The following DYNC1I1 variants were observed in gnomAD, a reference collection of about 807,000 sequenced individuals.
DYNC1I1 encodes cytoplasmic dynein 1 intermediate chain 1.
A neutral mutation model predicts 86.6 loss-of-function variants in DYNC1I1; 43 were observed. The ratio of observed to expected loss-of-function variants is 0.50; its 90% CI spans 0.39 to 0.64. The LOEUF (loss-of-function observed/expected upper bound fraction) is 0.64. Ranked by LOEUF, DYNC1I1 falls within the 30% of genes least tolerant of loss-of-function variation. The pLI, the probability that DYNC1I1 is intolerant of heterozygous loss-of-function variation, is 0.00. For missense variants in DYNC1I1, 604 were observed against 788.8 expected, an observed-to-expected ratio of 0.77 and a Z score of 2.81; for synonymous variants, 262 against 283.7, an observed-to-expected ratio of 0.92 and a Z score of 0.77.
At chr7:95,914,293 T>C (rs979981696) in intron 6 of DYNC1I1, among the ~76,000 whole-genome samples, 1 of 152,226 alleles carries the variant, frequency 6.6e-6, no homozygotes, top group Non-Finnish European at 1.5e-5. Flanking sequence ...TTCCCCTCAT[T>C]AGAACATTCC....
At chr7:95,989,555 C>T (rs888020590) in intron 9 of DYNC1I1, among the ~76,000 whole-genome samples, 30 of 152,164 alleles carry the variant, frequency 2.0e-4, no homozygotes, top group African/African-American at 7.0e-4. Flanking sequence ...ACCTTGTTCC[C>T]GGGTCAGCTG....
chr7:96,005,698 T>G (rs1206903872), intron 10 of DYNC1I1, among the ~76,000 whole-genome samples: 1 of 152,166 alleles, frequency 6.6e-6, no homozygotes, highest in Non-Finnish European at 1.5e-5. Context: ...GCAGCATAAA[T>G]GAAAACATTC....
intron 5 of DYNC1I1, among the ~76,000 whole-genome samples, chr7:95,863,559 C>T (rs1277817978): frequency 2.0e-5 from 3 of 152,194 alleles, no homozygotes; most frequent in Non-Finnish European, 2.9e-5. Context: ...TGGTCAACCA[C>T]CTCTGCTGCT....
chr7:96,036,312 A>C (rs1794925941), intron 13 of DYNC1I1, among the ~76,000 whole-genome samples: 1 of 152,164 alleles, frequency 6.6e-6, no homozygotes. Flanking sequence ...CTAAGAACCT[A>C]CCATGTGCCA....
intron 6 of DYNC1I1, among the ~76,000 whole-genome samples, chr7:95,886,548 C>T (rs1220285630): frequency 2.0e-5 from 3 of 152,116 alleles, no homozygotes; most frequent in African/African-American, 7.2e-5. Flanking sequence ...CCAGAATTCA[C>T]ACTCAGTGCT....
rs975644071 is a variant in DYNC1I1 at position 96,105,325 on chromosome 7, C to CT, written c.1543-4645dup. Among the ~76,000 whole-genome samples the CT allele has an allele frequency of 8.5e-4, 126 of 148,898 alleles. No homozygotes were observed. The Middle Eastern group carries it at 0.011, about 12-fold the overall frequency. On this transcript the variant is annotated intron_variant, in intron 16 of 16. Coordinates refer to the DYNC1I1 transcript ENST00000537881. Reference sequence around the variant, plus strand: ...TTTCCTCCTGTTTCTTTTCTTTTTTCTTTTTTTTTGCCTTACAGTATTAGC... The same window carrying CT: ...TTTCCTCCTGTTTCTTTTCTTTTTTCTTTTTTTTTTGCCTTACAGTATTAGC...
chr7:95,940,502 T>C lies in DYNC1I1; in HGVS notation c.491-37010T>C, dbSNP rs531727317. ...CTTGGAGGCTTTGTTCGTTTCTTTT[T>C]ATTCTTTTTTCTCTAAACTTCCCTT... On this transcript the variant is annotated intron_variant, in intron 6 of 16. Transcript: ENST00000447467. 6.8e-3 allele frequency among the ~76,000 whole-genome samples: 1,033 copies of C among 152,286 alleles called. 9 individuals are homozygous for C. The highest frequency in any genetic ancestry group is 0.023 in the African/African-American group (963 of 41,564).
At chr7:95,894,590 G>A (rs1790829180) in intron 6 of DYNC1I1, among the ~76,000 whole-genome samples, 1 of 152,160 alleles carries the variant, frequency 6.6e-6, no homozygotes, top group South Asian at 2.1e-4. Flanking sequence ...ATAGGTTGGT[G>A]CAAAAGTAAT....
chr7:95,877,211 C>G (rs1481942566), intron 6 of DYNC1I1, among the ~76,000 whole-genome samples: 5 of 152,098 alleles, frequency 3.3e-5, no homozygotes, highest in African/African-American at 4.8e-5. Context: ...AAGATAAGTT[C>G]CAAGCAAGTG....
At chr7:95,984,164 A>AAGGC (rs1398084417) in intron 7 of DYNC1I1, among the ~76,000 whole-genome samples, 3 of 152,168 alleles carry the variant, frequency 2.0e-5, no homozygotes, top group African/African-American at 7.2e-5. Flanking sequence ...CCAGAAAAGT[A>AAGGC]AGGCAGAAAA....
intron 16 of DYNC1I1, among the ~76,000 whole-genome samples, chr7:96,105,278 C>T (rs964159975): frequency 6.6e-6 from 1 of 151,658 alleles, no homozygotes; most frequent in Non-Finnish European, 1.5e-5. Flanking sequence ...AAGTTTAATT[C>T]TTCTTTTCCA....
At position 95,949,305 on chromosome 7, in the gene DYNC1I1, G is replaced by A. The variant is rs139099564; in HGVS notation, c.491-28207G>A. The stretch of plus-strand genomic sequence containing the variant: ...GGTTCTGTGCACATAAATCCCTTTT[G>A]GAATTTACACTTTCCCCCATGCAAG... On this transcript the variant is annotated intron_variant, in intron 6 of 16. Coordinates refer to ENST00000447467, the MANE Select transcript of DYNC1I1 (RefSeq NM_001135556.2). 3.1e-3 allele frequency among the ~76,000 whole-genome samples: 465 copies of A among 152,298 alleles called. 1 individual carries two copies. The highest frequency in any genetic ancestry group is 6.8e-3 in the Middle Eastern group (2 of 294).
At chr7:95,819,963 G>A (rs1414918792) in intron 4 of DYNC1I1, among the ~76,000 whole-genome samples, 1 of 152,136 alleles carries the variant, frequency 6.6e-6, no homozygotes, top group African/African-American at 2.4e-5. Context: ...CTTGACAGCA[G>A]GACTTTTGTG....
chr7:95,993,944 AT>A (rs1300639341), intron 9 of DYNC1I1, among the ~76,000 whole-genome samples: 1 of 152,194 alleles, frequency 6.6e-6, no homozygotes, highest in Non-Finnish European at 1.5e-5. Flanking sequence ...CTATGTAGGA[AT>A]GACATTTTCA....
At chr7:96,081,079 A>AAAAAAAAAAAAAAAAG (rs375715304) in intron 16 of DYNC1I1, among the ~76,000 whole-genome samples, 87 of 133,652 alleles carry the variant, frequency 6.5e-4, no homozygotes, top group African/African-American at 1.3e-3. Context: ...AAAAAAAAAG[A>AAAAAAAAAAAAAAAAG]AAAAGAAAAG....
At chr7:96,103,761 T>C (rs1791172277) in intron 16 of DYNC1I1, among the ~76,000 whole-genome samples, 1 of 152,092 alleles carries the variant, frequency 6.6e-6, no homozygotes, top group Non-Finnish European at 1.5e-5. Flanking sequence ...TACAGGCATA[T>C]ACCACCATGC....
intron 6 of DYNC1I1, among the ~76,000 whole-genome samples, chr7:95,905,966 T>C (rs529824168): frequency 1.6e-4 from 25 of 152,316 alleles, no homozygotes; most frequent in African/African-American, 5.8e-4. Flanking sequence ...TTGGCTTGGA[T>C]GCTTCTTGGG....
intron 6 of DYNC1I1, among the ~76,000 whole-genome samples, chr7:95,873,404 A>C (rs1203851356): frequency 1.3e-5 from 2 of 152,230 alleles, no homozygotes; most frequent in Non-Finnish European, 2.9e-5. Flanking sequence ...TGGATTGAAT[A>C]AATAGGTGCA....
chr7:95,936,956 TCACACACA>T lies in DYNC1I1; in HGVS notation c.491-40529_491-40522del, dbSNP rs57989893. 8.0e-4 allele frequency among the ~76,000 whole-genome samples: 108 copies of T among 134,284 alleles called. 1 individual carries two copies. The highest frequency in any genetic ancestry group is 2.9e-3 in the African/African-American group (105 of 36,250). 88.1% of individuals were successfully genotyped at this position (134,284 alleles called of 152,430 possible). On this transcript the variant is annotated intron_variant, in intron 6 of 16. Transcript: ENST00000447467. ...CAAAGGAATGGATAAAGAATATGTC[TCACACACA>T]CACACACACACACACACACACACAC...
Sources: allele counts gnomAD v4.1 joint callset (sites outside exome capture counted in the v4.1 genomes callset), GRCh38; gene constraint gnomAD v4.1.1; transcripts MANE v1.5; gene names NCBI Gene and HGNC (gene_info 2026-07-23, HGNC 2026-07-21).